The following NR5A2 variants were observed in gnomAD, a reference collection of about 807,000 sequenced individuals.
The protein encoded by NR5A2 is nuclear receptor subfamily 5 group A member 2.
In NR5A2, 26 loss-of-function variants were observed where a neutral mutation model predicts 62.7. The observed-to-expected ratio is 0.41, with a 90% confidence interval of 0.30 to 0.58. NR5A2 has a LOEUF of 0.58. Among genes scored for constraint, NR5A2 ranks in the 20% least tolerant of loss-of-function variants. The pLI is 0.22. For synonymous variants in NR5A2, 246 were observed against 241.7 expected, an observed-to-expected ratio of 1.02 and a Z score of -0.16; for missense variants, 541 against 669.1, an observed-to-expected ratio of 0.81 and a Z score of 2.11.
At chr1:200,080,060 TTTTC>T (rs1156326149) in intron 5 of NR5A2, among the ~76,000 whole-genome samples, 1 of 152,238 alleles carries the variant, frequency 6.6e-6, no homozygotes, top group African/African-American at 2.4e-5. Flanking sequence ...CTTACTCTAT[TTTTC>T]TTTATTATTT....
intron 5 of NR5A2, among the ~76,000 whole-genome samples, chr1:200,062,758 C>T (rs1373017602): frequency 6.6e-6 from 1 of 152,110 alleles, no homozygotes; most frequent in Non-Finnish European, 1.5e-5. Flanking sequence ...TCTTACAGAG[C>T]AAATGAAAGA....
At chr1:200,051,130 AAAC>A (rs201671280) in intron 5 of NR5A2, among the ~76,000 whole-genome samples, 2,123 of 152,332 alleles carry the variant, frequency 0.014, 49 homozygotes, top group African/African-American at 0.049. Context: ...TATAAGGTAA[AAAC>A]AACGTTGAAT....
At chr1:200,067,117 G>T (rs576862670) in intron 5 of NR5A2, among the ~76,000 whole-genome samples, 1 of 152,280 alleles carries the variant, frequency 6.6e-6, no homozygotes, top group Admixed American at 6.5e-5. Context: ...AGACAGAGGG[G>T]TATAACTAAG....
At position 200,147,748 on chromosome 1, in the gene NR5A2, A is replaced by G; in HGVS notation, c.1379-26215A>G. 1.8e-6 allele frequency: 1 copy of G among 547,800 alleles called. No homozygotes were observed. The allele number at this position is 547,800 out of a possible 1,614,324, so 33.9% of individuals were successfully genotyped here. On this transcript the variant is annotated intron_variant, in intron 7 of 7. Coordinates refer to ENST00000367362, the MANE Select transcript of NR5A2 (RefSeq NM_205860.3). This position sits in a 1 kb window ranked among gnomAD's most constrained non-coding sequence, Gnocchi z 4.9. ...CGCCTCTCCCACGTCCACGGTGAAGACGCGGATGCCGGCGCGAATGCCGGC... is the reference window on the plus strand; with the variant it reads ...CGCCTCTCCCACGTCCACGGTGAAGGCGCGGATGCCGGCGCGAATGCCGGC...
chr1:200,061,147 G>T (rs1663197647), intron 5 of NR5A2, among the ~76,000 whole-genome samples: 1 of 147,876 alleles, frequency 6.8e-6, no homozygotes, highest in Non-Finnish European at 1.5e-5. Context: ...AAAAAATTAA[G>T]TCTGAAGTAC....
chr1:200,174,327 A>T lies in NR5A2; in HGVS notation c.*117A>T. 9.2e-7 allele frequency: 1 copy of T among 1,083,236 alleles called. No homozygotes were observed. The highest frequency in any genetic ancestry group is 1.2e-6 in the Non-Finnish European group (1 of 815,292). The allele number at this position is 1,083,236 out of a possible 1,614,324, so 67.1% of individuals were successfully genotyped here. A position where few individuals can be genotyped will look rare whatever the true frequency, so the allele number is the denominator to read the frequency against. ...AACTGCTCCAAGTAACGCTAATTAA[A>T]AACTTGCTTTAAAGATATTGAATTT... On this transcript the variant is annotated 3_prime_UTR_variant, in exon 8 of 8. Transcript: ENST00000367362.
At chr1:200,046,514 C>G (rs953962069) in intron 4 of NR5A2, among the ~76,000 whole-genome samples, 3 of 151,904 alleles carry the variant, frequency 2.0e-5, no homozygotes. Context: ...TTATTTGGAA[C>G]TTTTCTGTTA....
rs186055319 is a variant in NR5A2, at chr1:200,173,250, C to T, written c.1379-713C>T. ...GTGACCAGAAGAAAAAAAAGAAACACAGAGTATCAGACTTTAGAAACTACA... is the reference window on the plus strand; with the variant it reads ...GTGACCAGAAGAAAAAAAAGAAACATAGAGTATCAGACTTTAGAAACTACA... On this transcript the variant is annotated intron_variant, in intron 7 of 7. Coordinates refer to ENST00000367362, the MANE Select transcript of NR5A2 (RefSeq NM_205860.3). Among the ~76,000 whole-genome samples, 25 of 152,286 alleles carry T rather than the reference C, an allele frequency of 1.6e-4. 1 individual carries two copies. In the East Asian group the frequency reaches 4.8e-3, roughly 29 times the overall value.
At chr1:200,055,208 T>C (rs1214010328) in intron 5 of NR5A2, among the ~76,000 whole-genome samples, 1 of 151,764 alleles carries the variant, frequency 6.6e-6, no homozygotes, top group African/African-American at 2.4e-5. Flanking sequence ...TACTTTTTTT[T>C]TTTTGTGACG....
intron 5 of NR5A2, among the ~76,000 whole-genome samples, chr1:200,107,194 G>C (rs927356293): frequency 6.6e-6 from 1 of 151,956 alleles, no homozygotes; most frequent in Non-Finnish European, 1.5e-5. Flanking sequence ...AACAATGAAA[G>C]AGTTGTTTGC....
rs528906906 is a variant in NR5A2, at chr1:200,034,133, T to C, written c.65-5525T>C. On this transcript the variant is annotated intron_variant, in intron 1 of 7. Coordinates refer to ENST00000367362, the MANE Select transcript of NR5A2 (RefSeq NM_205860.3). ...CTAAGGATTTTGTTCCTGACCCAGG[T>C]TGAAGCGGAGGAGAGGGTGTAAAGG... Among the ~76,000 whole-genome samples the C allele has an allele frequency of 6.0e-4, 91 of 152,280 alleles. No individual in the cohort carries two copies. In the Middle Eastern group the frequency reaches 0.02, roughly 34 times the overall value.
chr1:200,140,523 T>G (rs1009420324), intron 7 of NR5A2, among the ~76,000 whole-genome samples: 10 of 152,238 alleles, frequency 6.6e-5, no homozygotes, highest in African/African-American at 2.4e-4. Context: ...GAGTTTCTTG[T>G]GTTTCTGTGA....
intron 3 of NR5A2, among the ~76,000 whole-genome samples, chr1:200,044,915 A>G (rs1222766230): frequency 1.3e-5 from 2 of 151,884 alleles, no homozygotes; most frequent in Non-Finnish European, 2.9e-5. Flanking sequence ...CAGTGGAATT[A>G]TGAGCATTTT....
intron 5 of NR5A2, among the ~76,000 whole-genome samples, chr1:200,059,088 C>T (rs527435582): frequency 2.6e-5 from 4 of 151,892 alleles, no homozygotes; most frequent in South Asian, 2.1e-4. Context: ...CCAGCCTGGG[C>T]GGCAGAGTGA....
chr1:200,100,769 ACC>A (rs1665328275), intron 5 of NR5A2, among the ~76,000 whole-genome samples: 1 of 152,082 alleles, frequency 6.6e-6, no homozygotes, highest in Admixed American at 6.6e-5. Context: ...TCTTGGAAAA[ACC>A]CACAAATTTT....
At chr1:200,123,581 T>C (rs1445591628) in intron 7 of NR5A2, among the ~76,000 whole-genome samples, 3 of 152,120 alleles carry the variant, frequency 2.0e-5, no homozygotes, top group Non-Finnish European at 4.4e-5. Context: ...TGCCATGGCT[T>C]TCATTCTCTA....
chr1:200,078,302 A>C (rs1049883974), intron 5 of NR5A2, among the ~76,000 whole-genome samples: 1 of 152,204 alleles, frequency 6.6e-6, no homozygotes, highest in Non-Finnish European at 1.5e-5. Flanking sequence ...AGTTACCTAC[A>C]TCCCAGCTAC....
At chr1:200,142,505 CT>C (rs565572395) in intron 7 of NR5A2, among the ~76,000 whole-genome samples, 8 of 151,548 alleles carry the variant, frequency 5.3e-5, no homozygotes, top group Non-Finnish European at 5.9e-5. Context: ...CTAAAGACTT[CT>C]TTTTTTTAAA....
At chr1:200,038,948 C>T (rs1661913220) in intron 1 of NR5A2, among the ~76,000 whole-genome samples, 1 of 152,102 alleles carries the variant, frequency 6.6e-6, no homozygotes, top group Admixed American at 6.5e-5. Context: ...TCACTGTCTT[C>T]ACCCCTCAAT....
Sources: gnomAD v4.1 joint callset for allele counts (sites outside exome capture counted in the v4.1 genomes callset) on GRCh38, gnomAD v4.1.1 for gene constraint, Gnocchi (gnomAD v3.1) non-coding constraint, MANE v1.5 for transcripts, NCBI Gene and HGNC (gene_info 2026-07-23, HGNC 2026-07-21) for gene names.